Variants in KAT6A observed in about 807,000 individuals in gnomAD.
KAT6A encodes the protein lysine acetyltransferase 6A.
In KAT6A, 9 loss-of-function variants were observed where a neutral mutation model predicts 198.4. The ratio of observed to expected loss-of-function variants is 0.05; its 90% CI spans 0.03 to 0.08. KAT6A has a LOEUF of 0.08. Among genes scored for constraint, KAT6A ranks in the 10% least tolerant of loss-of-function variants. The probability of loss-of-function intolerance (pLI) is 1.00; values close to 1 mark genes in which losing one functional copy is unlikely to be tolerated. For missense variants in KAT6A, 2,077 were observed against 2,509.9 expected (o/e 0.83, Z 3.69); for synonymous variants, 890 against 883.0 (o/e 1.01, Z -0.14).
chr8:42,031,617 CTTTTTTTTTTTTTTTTTT>C (rs11329714), intron 2 of KAT6A, among the ~76,000 whole-genome samples: 3 of 65,060 alleles, frequency 4.6e-5, no homozygotes, highest in Non-Finnish European at 7.9e-5. Context: ...GGAGCATTCA[CTTTTTTTTTTTTTTTTTT>C]TTTTTTTTTT....
chr8:41,954,545 T>G (rs938740803), intron 9 of KAT6A, among the ~76,000 whole-genome samples: 1 of 144,332 alleles, frequency 6.9e-6, no homozygotes, highest in Admixed American at 6.7e-5. Flanking sequence ...TTGATCTCAT[T>G]TCATCTTTTA....
intron 16 of KAT6A, among the ~76,000 whole-genome samples, chr8:41,935,624 G>C (rs1411824171): frequency 6.6e-6 from 1 of 152,074 alleles, no homozygotes; most frequent in Non-Finnish European, 1.5e-5. Flanking sequence ...TAAGTGTTAA[G>C]TTCAGTGGCA....
chr8:41,938,088 A>C (rs1384352773), intron 15 of KAT6A, among the ~76,000 whole-genome samples: 3 of 152,236 alleles, frequency 2.0e-5, no homozygotes, highest in Non-Finnish European at 2.9e-5. Context: ...TTTCAAAAGT[A>C]AAATAAATCT....
In KAT6A at chr8:41,981,927, G is replaced by A. The variant is rs1352933160; in HGVS notation, c.737C>T (p.Pro246Leu). The change falls in exon 4 of 17, where the codon CCT becomes CTT. Residue 246 changes from proline (P) to leucine (L), a missense_variant. Physicochemically the swap from Pro to Leu is moderately conservative, Grantham distance 98. This residue lies in a region of KAT6A where 89 missense variants were observed against 154.4 expected (regional missense o/e 0.58). Transcript: ENST00000265713. ...GGCCTTCACTCGAACCGTTAGTTCA[G>A]GGGAAAACTTTAAACAGGATGGATG... Reference protein sequence around the residue: ...SGHPSCLKFSPELTVRVKALR... With the variant: ...SGHPSCLKFSLELTVRVKALR... 1 of 1,613,276 alleles carries A rather than the reference G, an allele frequency of 6.2e-7. No homozygotes were observed. Among genetic ancestry groups the A allele is most frequent in the Non-Finnish European group, 8.5e-7 (1 of 1,179,276 alleles).
chr8:41,967,607 C>G (rs1394749597), intron 8 of KAT6A, among the ~76,000 whole-genome samples: 1 of 152,002 alleles, frequency 6.6e-6, no homozygotes, highest in Non-Finnish European at 1.5e-5. Flanking sequence ...TCATCCATGT[C>G]CCTACAAAGG....
intron 2 of KAT6A, among the ~76,000 whole-genome samples, chr8:42,001,061 C>T (rs757152544): frequency 2.0e-5 from 3 of 152,060 alleles, no homozygotes; most frequent in East Asian, 3.8e-4. Flanking sequence ...AGAAAATGCT[C>T]GGTTTCTATT....
Position 42,041,792 on chromosome 8 carries a change from A to G in KAT6A, c.600+6586T>C, listed in dbSNP as rs1408609410. Among the ~76,000 whole-genome samples the G allele has an allele frequency of 2.6e-5, 4 of 151,876 alleles. No homozygotes were observed. In the East Asian group the frequency reaches 5.8e-4, roughly 22 times the overall value. On this transcript the variant is annotated intron_variant, in intron 2 of 16. Transcript: ENST00000265713. ...ATAAAAAATGTTTAAATTATTAAAT[A>G]TAACAATTACTGAGATCAATCCATT...
intron 9 of KAT6A, among the ~76,000 whole-genome samples, chr8:41,953,738 T>A (rs1008750864): frequency 7.9e-5 from 12 of 152,130 alleles, no homozygotes; most frequent in African/African-American, 2.7e-4. Flanking sequence ...CCTCCCAAAG[T>A]GCTGGGATTA....
chr8:41,955,090 T>C (rs1822859649), intron 9 of KAT6A, among the ~76,000 whole-genome samples: 1 of 152,108 alleles, frequency 6.6e-6, no homozygotes, highest in South Asian at 2.1e-4. Context: ...ATTTTAAACA[T>C]CAGCGTCTGA....
intron 2 of KAT6A, among the ~76,000 whole-genome samples, chr8:42,035,256 G>A (rs1296283663): frequency 6.6e-6 from 1 of 152,150 alleles, no homozygotes. Context: ...CATCAGAATC[G>A]ATGGCAATGG....
intron 8 of KAT6A, among the ~76,000 whole-genome samples, chr8:41,961,869 T>C (rs1587746918): frequency 6.6e-6 from 1 of 151,900 alleles, no homozygotes; most frequent in Non-Finnish European, 1.5e-5. Context: ...ATATTACTAC[T>C]ATAACCAATT....
chr8:42,045,081 C>A (rs1802147436), intron 2 of KAT6A, among the ~76,000 whole-genome samples: 1 of 152,162 alleles, frequency 6.6e-6, no homozygotes, highest in Non-Finnish European at 1.5e-5. Context: ...CTTTTCATAT[C>A]TTTGGGGGAA....
Position 41,977,289 on chromosome 8 carries a change from C to A in KAT6A, c.1082G>T (p.Gly361Val), listed in dbSNP as rs753889057. ...AGTGATTTTTCGTTTCCTACCCCTT[C>A]CAGGGCCAGTTCGAACTTTGCTGAA... ...GPFSKVRTGP[G>V]RGRKRKITLS... The change falls in exon 7 of 17, where the codon GGA (glycine) becomes GTA (valine). Residue 361 changes from glycine (G) to valine (V), a missense_variant. Coordinates refer to ENST00000265713, the MANE Select transcript of KAT6A (RefSeq NM_006766.5). 1.8e-5 allele frequency: 29 copies of A among 1,613,900 alleles called. No individual in the cohort carries two copies. The East Asian group carries it at 6.5e-4, about 36-fold the overall frequency.
chr8:41,987,594 C>A (rs749210364), intron 2 of KAT6A, 31 bp from the exon 3 acceptor site: 2 of 1,244,142 alleles, frequency 1.6e-6, no homozygotes. Flanking sequence ...CATTCCAGTA[C>A]TAATACTTTT....
intron 2 of KAT6A, among the ~76,000 whole-genome samples, chr8:42,008,801 TACTTTA>T (rs796591054): frequency 2.1e-4 from 32 of 152,302 alleles, no homozygotes; most frequent in African/African-American, 6.5e-4. Context: ...TGGTTATCAT[TACTTTA>T]ACTTTAATTA....
chr8:42,025,201 A>AG (rs1284887337), intron 2 of KAT6A, among the ~76,000 whole-genome samples: 3 of 147,256 alleles, frequency 2.0e-5, no homozygotes, highest in Non-Finnish European at 3.0e-5. Flanking sequence ...AGTGATGCTG[A>AG]GGTTTTTTTT....
rs1821578755 is a variant in KAT6A at position 41,932,159 on chromosome 8, CCTTTA to C, written c.*41_*45del. 1 of 1,432,084 alleles carries C rather than the reference CCTTTA, an allele frequency of 7.0e-7. No homozygotes were observed. The highest frequency in any genetic ancestry group is 1.8e-5 in the South Asian group (1 of 56,990). 88.7% of individuals were successfully genotyped at this position (1,432,084 alleles called of 1,614,324 possible). On this transcript the variant is annotated 3_prime_UTR_variant, in exon 17 of 17. Coordinates refer to ENST00000265713, the MANE Select transcript of KAT6A (RefSeq NM_006766.5). ...CTCTGGTTTGTCAGTATAAAAGGTT[CCTTTA>C]TTTATATATATTTAAGTTTTTGATT...
intron 8 of KAT6A, among the ~76,000 whole-genome samples, chr8:41,967,663 A>G (rs1212378731): frequency 2.0e-5 from 3 of 152,068 alleles, no homozygotes; most frequent in African/African-American, 4.8e-5. Flanking sequence ...TCCATGGTGT[A>G]TATGTGCCGC....
Position 41,933,464 on chromosome 8 carries a change from T to C in KAT6A, c.4756A>G (p.Ser1586Gly), listed in dbSNP as rs1821673059. 1.2e-6 allele frequency: 2 copies of C among 1,612,774 alleles called. No homozygotes were observed. Among genetic ancestry groups the C allele is most frequent in the African/African-American group, 1.3e-5 (1 of 74,904 alleles). The change falls in exon 17 of 17, where the codon AGC becomes GGC. Residue 1586 changes from serine (S) to glycine (G), a missense_variant. Coordinates refer to ENST00000265713, the MANE Select transcript of KAT6A (RefSeq NM_006766.5). The surrounding 1 kb of genome is among the most constrained non-coding windows in gnomAD (Gnocchi z 6.2). The part of the protein sequence containing the change: ...SICGNSSSQS[S>G]CSYGGLSSSS... ...GACGACAGCCCACCGTAGGAGCAGCTGCTCTGGGAAGAGCTGTTCCCACAG... is the reference window on the plus strand; with the variant it reads ...GACGACAGCCCACCGTAGGAGCAGCCGCTCTGGGAAGAGCTGTTCCCACAG...
Sources: allele counts gnomAD v4.1 joint callset (sites outside exome capture counted in the v4.1 genomes callset), GRCh38; gene constraint gnomAD v4.1.1; regional missense constraint gnomAD v4.1.1; non-coding constraint Gnocchi (gnomAD v3.1); transcripts MANE v1.5; gene names NCBI Gene and HGNC (gene_info 2026-07-23, HGNC 2026-07-21).